WDFY3: variants seen among roughly 807,000 people sequenced by gnomAD.
The protein encoded by WDFY3 is WD repeat and FYVE domain-containing protein 3.
Under a neutral mutation model 409.6 loss-of-function variants are expected in WDFY3, and 66 were observed. That is an observed-to-expected ratio of 0.16 (90% confidence interval 0.13 to 0.20). WDFY3 has a LOEUF of 0.20. Ranked by LOEUF, WDFY3 falls within the 10% of genes least tolerant of loss-of-function variation. The pLI is 1.00. For synonymous variants in WDFY3, 1,521 were observed against 1,537.1 expected, an observed-to-expected ratio of 0.99 and a Z score of 0.25; for missense variants, 3,031 against 4,298.1, an observed-to-expected ratio of 0.71 and a Z score of 8.24.
At chr4:84,892,866 T>G (rs1435854709) in intron 3 of WDFY3, among the ~76,000 whole-genome samples, 5 of 152,240 alleles carry the variant, frequency 3.3e-5, no homozygotes, top group Non-Finnish European at 7.3e-5. Flanking sequence ...TTCCCAGGGT[T>G]GCTGTTTCAG....
At position 84,817,429 on chromosome 4, in the gene WDFY3, G is replaced by A; in HGVS notation, c.1850C>T (p.Pro617Leu). 4 of 1,613,718 alleles carry A rather than the reference G, an allele frequency of 2.5e-6. No homozygotes were observed. The highest frequency in any genetic ancestry group is 3.4e-6 in the Non-Finnish European group (4 of 1,179,744). ...AGTCTTCAACTGCAATTCCGTCGGT[G>A]GGGCTGAATGCATTAGCCCCAGGAG... is the stretch of plus-strand genomic sequence containing the variant. ...GTLLGLMHSA[P>L]PTELQLKTDI... The change falls in exon 13 of 68, where the codon CCA (proline) becomes CTA (leucine). Residue 617 changes from proline to leucine, a missense_variant. Pro to Leu is a moderately conservative substitution (Grantham distance 98). This residue lies in a region of WDFY3 where 1,322 missense variants were observed against 1,697.9 expected (regional missense o/e 0.78). Transcript: ENST00000295888.
chr4:84,924,147 T>C (rs1252651420), intron 2 of WDFY3, among the ~76,000 whole-genome samples: 2 of 152,228 alleles, frequency 1.3e-5, no homozygotes, highest in Non-Finnish European at 2.9e-5. Flanking sequence ...TAAAGGAATC[T>C]TTTTTCTATA....
At position 84,808,328 on chromosome 4, in the gene WDFY3, C is replaced by T. The variant is rs962172851; in HGVS notation, c.2429+6G>A. 6.2e-7 allele frequency: 1 copy of T among 1,611,666 alleles called. No individual in the cohort carries two copies. The highest frequency in any genetic ancestry group is 8.5e-7 in the Non-Finnish European group (1 of 1,178,048). On this transcript the variant is annotated splice_donor_region_variant and intron_variant, in intron 15 of 67. Coordinates refer to ENST00000295888, the MANE Select transcript of WDFY3 (RefSeq NM_014991.6). Reference sequence around the variant, plus strand: ...TAGAGACTGACTTCTCTTATATGATCAGTACCTTTTCCTGGACAAAGCTGG... The same window carrying T: ...TAGAGACTGACTTCTCTTATATGATTAGTACCTTTTCCTGGACAAAGCTGG...
intron 3 of WDFY3, among the ~76,000 whole-genome samples, chr4:84,872,475 A>G (rs915359343): frequency 2.6e-5 from 4 of 152,058 alleles, no homozygotes; most frequent in African/African-American, 9.7e-5. Context: ...AAAAAAAAAA[A>G]AAAAGTTTAA....
intron 21 of WDFY3, among the ~76,000 whole-genome samples, chr4:84,791,202 C>T (rs1748460420): frequency 6.6e-6 from 1 of 152,098 alleles, no homozygotes. Flanking sequence ...TACATATATA[C>T]AATGGAATAA....
intron 24 of WDFY3, among the ~76,000 whole-genome samples, chr4:84,784,871 T>C (rs1208682762): frequency 7.5e-4 from 50 of 66,808 alleles, no homozygotes; most frequent in Admixed American, 1.7e-3. Flanking sequence ...TATATATATA[T>C]ATATATATAT....
chr4:84,842,008 C>T (rs1301033054), intron 5 of WDFY3, among the ~76,000 whole-genome samples: 1 of 152,110 alleles, frequency 6.6e-6, no homozygotes, highest in African/African-American at 2.4e-5. Flanking sequence ...ATACATAAGA[C>T]AGCCAATCAC....
At chr4:84,851,164 A>G (rs2150123440) in intron 4 of WDFY3, among the ~76,000 whole-genome samples, 1 of 151,830 alleles carries the variant, frequency 6.6e-6, no homozygotes, top group Admixed American at 6.6e-5. Context: ...TGGACAGACC[A>G]TCATAAGAAA....
chr4:84,709,609 AGTTG>A (rs2148990971), intron 51 of WDFY3, among the ~76,000 whole-genome samples: 1 of 152,302 alleles, frequency 6.6e-6, no homozygotes, highest in East Asian at 1.9e-4. Context: ...ATTTTGTTTG[AGTTG>A]AGTATTTATA....
intron 58 of WDFY3, among the ~76,000 whole-genome samples, chr4:84,693,290 C>A (rs2148868654): frequency 6.6e-6 from 1 of 152,284 alleles, no homozygotes; most frequent in South Asian, 2.1e-4. Flanking sequence ...GCTGAATTCA[C>A]AATAACTTTC....
chr4:84,735,838 G>A (rs572417694), intron 42 of WDFY3, among the ~76,000 whole-genome samples: 1 of 152,260 alleles, frequency 6.6e-6, no homozygotes, highest in East Asian at 1.9e-4. Flanking sequence ...ATTAAAAAAG[G>A]CTTGTTTGGC....
At chr4:84,892,411 G>A (rs1765077693) in intron 3 of WDFY3, among the ~76,000 whole-genome samples, 1 of 151,676 alleles carries the variant, frequency 6.6e-6, no homozygotes, top group Admixed American at 6.6e-5. Flanking sequence ...ACTTTTTAAA[G>A]TATTTTAAAG....
rs1734332716 is a variant in WDFY3 at position 84,718,552 on chromosome 4, A to C, written c.7624T>G (p.Cys2542Gly). The change falls in exon 48 of 68, where the codon TGT (cysteine) becomes GGT (glycine). Residue 2542 changes from cysteine (C) to glycine (G), a missense_variant. Coordinates refer to ENST00000295888, the MANE Select transcript of WDFY3 (RefSeq NM_014991.6). ...GTATCTAGGCCCTGGACTCGAGCAC[A>C]GCGGTACATGTGTTGGATCTATAAA... ...EGEKIQHMYR[C>G]ARVQGLDTSE... 3.7e-6 allele frequency: 6 copies of C among 1,613,138 alleles called. No individual in the cohort carries two copies. The highest frequency in any genetic ancestry group is 1.7e-5 in the Admixed American group (1 of 59,868).
chr4:84,798,952 T>G (rs1054496220), intron 17 of WDFY3, among the ~76,000 whole-genome samples: 18 of 152,194 alleles, frequency 1.2e-4, no homozygotes, highest in African/African-American at 4.1e-4. Flanking sequence ...ATTTCTACTG[T>G]ACTCTCCAGC....
At chr4:84,912,148 C>T (rs1322468514) in intron 2 of WDFY3, among the ~76,000 whole-genome samples, 1 of 152,168 alleles carries the variant, frequency 6.6e-6, no homozygotes, top group Non-Finnish European at 1.5e-5. Flanking sequence ...TTGACTAACA[C>T]CGTGGAACTC....
At chr4:84,909,029 TAC>T (rs145818813) in intron 2 of WDFY3, among the ~76,000 whole-genome samples, 106 of 149,602 alleles carry the variant, frequency 7.1e-4, no homozygotes, top group African/African-American at 1.4e-3. Flanking sequence ...CACGTATCCA[TAC>T]ACACACACAC....
intron 3 of WDFY3, among the ~76,000 whole-genome samples, chr4:84,862,938 T>C (rs1440827609): frequency 1.3e-5 from 2 of 152,252 alleles, no homozygotes; most frequent in Non-Finnish European, 2.9e-5. Context: ...ATAATCCACA[T>C]GTAAGTGATA....
rs772133851 is a variant in WDFY3 at position 84,779,422 on chromosome 4, C to CT, written c.4365+685dup. On this transcript the variant is annotated intron_variant, in intron 26 of 67. Coordinates refer to ENST00000295888, the MANE Select transcript of WDFY3 (RefSeq NM_014991.6). ...TCTGACTGTGGATACATAAATGCTG[C>CT]TTTTTTTTTTTTTTGAGTCTTGCTC... 2.8e-3 allele frequency among the ~76,000 whole-genome samples: 390 copies of CT among 140,446 alleles called. 3 individuals carry two copies. The highest frequency in any genetic ancestry group is 6.0e-3 in the African/African-American group (232 of 38,466). 92.1% of individuals were successfully genotyped at this position (140,446 alleles called of 152,430 possible).
At chr4:84,781,002 C>T (rs898539961) in intron 25 of WDFY3, among the ~76,000 whole-genome samples, 8 of 151,930 alleles carry the variant, frequency 5.3e-5, no homozygotes, top group Non-Finnish European at 8.8e-5. Flanking sequence ...TGGGGAATAA[C>T]CTTGGGGACA....
Sources: gnomAD v4.1 joint callset for allele counts (sites outside exome capture counted in the v4.1 genomes callset) on GRCh38, gnomAD v4.1.1 for gene constraint, gnomAD v4.1.1 regional missense constraint, MANE v1.5 for transcripts, NCBI Gene and HGNC (gene_info 2026-07-23, HGNC 2026-07-21) for gene names.